Variants in ESR1 observed in about 807,000 individuals in gnomAD.
ESR1 encodes the protein estrogen receptor.
A neutral mutation model predicts 52.7 loss-of-function variants in ESR1; 12 were observed. The observed-to-expected ratio is 0.23, with a 90% confidence interval of 0.15 to 0.37. The LOEUF (loss-of-function observed/expected upper bound fraction) is 0.37. Among genes scored for constraint, ESR1 ranks in the 10% least tolerant of loss-of-function variants. ESR1 has a pLI of 1.00. For synonymous variants in ESR1, 305 were observed against 316.8 expected, an observed-to-expected ratio of 0.96 and a Z score of 0.39; for missense variants, 584 against 779.7, an observed-to-expected ratio of 0.75 and a Z score of 2.99.
intron 1 of ESR1, among the ~76,000 whole-genome samples, chr6:151,818,371 A>G (rs1780009599): frequency 6.6e-6 from 1 of 152,192 alleles, no homozygotes; most frequent in South Asian, 2.1e-4. Context: ...ATGAGGGATT[A>G]TCAACCCCTG....
intron 2 of ESR1, among the ~76,000 whole-genome samples, chr6:151,705,304 A>T (rs1780103266): frequency 2.0e-5 from 3 of 152,240 alleles, no homozygotes; most frequent in African/African-American, 7.2e-5. Context: ...TTTGGTCCCA[A>T]ACTGGAGAGG....
chr6:151,819,935 A>C (rs1315497803), intron 1 of ESR1, among the ~76,000 whole-genome samples: 1 of 152,208 alleles, frequency 6.6e-6, no homozygotes, highest in Non-Finnish European at 1.5e-5. Flanking sequence ...GATGTTGATC[A>C]TGTACTGGCT....
At chr6:151,733,437 A>G (rs1782408012) in intron 2 of ESR1, among the ~76,000 whole-genome samples, 1 of 152,224 alleles carries the variant, frequency 6.6e-6, no homozygotes, top group Non-Finnish European at 1.5e-5. Flanking sequence ...GCCTGGGGCC[A>G]CACATAGCAG....
At chr6:151,663,064 T>TG (rs35717298) in intron 1 of ESR1, among the ~76,000 whole-genome samples, 40,383 of 152,084 alleles carry the variant, frequency 0.27, 6,358 homozygotes, top group East Asian at 0.47. Flanking sequence ...GCTGGTTTCT[T>TG]GTAAGGTGGG....
intron 2 of ESR1, among the ~76,000 whole-genome samples, chr6:151,750,264 T>C (rs1783802027): frequency 6.6e-6 from 1 of 152,224 alleles, no homozygotes; most frequent in African/African-American, 2.4e-5. Context: ...TTTTTTCCTA[T>C]GGCAAACGTT....
At chr6:151,673,269 C>T (rs1413297666) in intron 1 of ESR1, among the ~76,000 whole-genome samples, 1 of 152,028 alleles carries the variant, frequency 6.6e-6, no homozygotes, top group East Asian at 1.9e-4. Flanking sequence ...TTGATGTCTC[C>T]CACTATAATT....
intron 6 of ESR1, among the ~76,000 whole-genome samples, chr6:152,086,219 T>C (rs2049703788): frequency 1.3e-5 from 2 of 152,012 alleles, no homozygotes; most frequent in South Asian, 2.1e-4. Context: ...GACTGTGGAG[T>C]AGGAAATCCA....
At chr6:151,755,488 T>A (rs1784214540) in intron 2 of ESR1, among the ~76,000 whole-genome samples, 1 of 152,154 alleles carries the variant, frequency 6.6e-6, no homozygotes, top group African/African-American at 2.4e-5. Flanking sequence ...CTGCTCTTAG[T>A]TATCACCAGA....
chr6:152,123,211 C>T (rs2052034400), intron 6 of ESR1, among the ~76,000 whole-genome samples: 1 of 152,188 alleles, frequency 6.6e-6, no homozygotes, highest in Non-Finnish European at 1.5e-5. Flanking sequence ...CTTCATTAAT[C>T]ATAGAGCATA....
At chr6:152,125,411 G>T in exon 7 of ESR1, 2 of 1,506,458 alleles carry the variant, frequency 1.3e-6, no homozygotes, top group South Asian at 2.5e-5. Flanking sequence ...TGGACGTGGG[G>T]ACATTTTGTT....
chr6:151,984,627 T>G (rs1204681882), intron 4 of ESR1, among the ~76,000 whole-genome samples: 1 of 152,154 alleles, frequency 6.6e-6, no homozygotes, highest in Non-Finnish European at 1.5e-5. Context: ...TGATGGGCTG[T>G]TATTTGTACG....
intron 2 of ESR1, among the ~76,000 whole-genome samples, chr6:151,719,901 T>C (rs1232716944): frequency 6.6e-6 from 1 of 152,200 alleles, no homozygotes; most frequent in East Asian, 1.9e-4. Flanking sequence ...TATATTTATG[T>C]ATTTCCCTTT....
intron 3 of ESR1, among the ~76,000 whole-genome samples, chr6:151,905,788 C>A (rs1202625591): frequency 2.0e-5 from 3 of 152,086 alleles, no homozygotes; most frequent in Non-Finnish European, 4.4e-5. Context: ...GCAAGATAGC[C>A]TTTTCTGTTT....
intron 4 of ESR1, among the ~76,000 whole-genome samples, chr6:151,992,652 G>T (rs1562642952): frequency 6.6e-6 from 1 of 152,148 alleles, no homozygotes; most frequent in East Asian, 1.9e-4. Context: ...GGTTGGCAAG[G>T]TGGGTGGGGA....
chr6:151,750,816 C>A (rs996023723), intron 2 of ESR1, among the ~76,000 whole-genome samples: 2 of 151,924 alleles, frequency 1.3e-5, no homozygotes, highest in African/African-American at 4.8e-5. Flanking sequence ...AAAAAAAAAT[C>A]ACGTTCTCAC....
chr6:151,822,740 A>T (rs111330498), intron 1 of ESR1, among the ~76,000 whole-genome samples: 1 of 152,182 alleles, frequency 6.6e-6, no homozygotes, highest in African/African-American at 2.4e-5. Flanking sequence ...AACCTAAGCT[A>T]TGTGAATCAG....
intron 2 of ESR1, among the ~76,000 whole-genome samples, chr6:151,719,432 C>T (rs80250295): frequency 0.02 from 3,115 of 152,120 alleles, 38 homozygotes; most frequent in East Asian, 0.032. Context: ...GTGAGACAGT[C>T]GCTATCCAGG....
intron 3 of ESR1, among the ~76,000 whole-genome samples, chr6:151,920,514 T>G (rs1341458533): frequency 6.6e-6 from 1 of 152,176 alleles, no homozygotes; most frequent in African/African-American, 2.4e-5. Flanking sequence ...TTTCTAAGTT[T>G]TCCTCTAATG....
At chr6:151,727,283 C>A (rs1002166338) in intron 2 of ESR1, among the ~76,000 whole-genome samples, 8 of 151,872 alleles carry the variant, frequency 5.3e-5, no homozygotes, top group African/African-American at 1.7e-4. Flanking sequence ...TTCACTGTAA[C>A]CTTCACCTCC....
Sources: allele counts gnomAD v4.1 joint callset (sites outside exome capture counted in the v4.1 genomes callset), GRCh38; gene constraint gnomAD v4.1.1; transcripts MANE v1.5; gene names NCBI Gene and HGNC (gene_info 2026-07-23, HGNC 2026-07-21).